Variants in TMC8 observed in about 807,000 individuals in gnomAD.
TMC8 encodes transmembrane channel-like protein 8.
A neutral mutation model predicts 76.0 loss-of-function variants in TMC8; 71 were observed. The ratio of observed to expected loss-of-function variants is 0.93; its 90% CI spans 0.77 to 1.14. The LOEUF is 1.14. Among genes scored for constraint, TMC8 ranks in the 50% most tolerant of loss-of-function variants. The pLI, the probability that TMC8 is intolerant of heterozygous loss-of-function variation, is 0.00. For missense variants in TMC8, 924 were observed against 947.9 expected (o/e 0.97, Z 0.33); for synonymous variants, 433 against 433.8 (o/e 1.00, Z 0.02).
intron 15 of TMC8, among the ~76,000 whole-genome samples, chr17:78,139,759 C>T (rs1012129456): frequency 5.1e-5 from 7 of 137,708 alleles, no homozygotes; most frequent in Non-Finnish European, 9.2e-5. Context: ...AAAAACCGGG[C>T]ACGGTGGTTC....
chr17:78,131,408 A>C lies in TMC8; in HGVS notation c.-181A>C. On this transcript the variant is annotated 5_prime_UTR_variant, in exon 2 of 16. Transcript: ENST00000318430. The stretch of plus-strand genomic sequence containing the variant: ...AGGTGGCAGAGCGGCAGACCCGGGC[A>C]AGTGAACCCTAGGGCTGCAGGAGCC... The C allele has an allele frequency of 1.3e-6, 1 of 796,630 alleles. No homozygotes were observed. The allele number at this position is 796,630 out of a possible 1,614,324, so 49.3% of individuals were successfully genotyped here.
Position 78,131,902 on chromosome 17 carries a change from G to T in TMC8, c.170G>T (p.Gly57Val). The T allele has an allele frequency of 6.8e-7, 1 of 1,475,948 alleles. No homozygotes were observed. Among genetic ancestry groups the T allele is most frequent in the South Asian group, 1.3e-5 (1 of 75,132 alleles). The allele number at this position is 1,475,948 out of a possible 1,614,324, so 91.4% of individuals were successfully genotyped here. Residue 57 changes from glycine (G) to valine (V), a missense_variant, in exon 3 of 16, where the codon GGG (glycine) becomes GTG (valine). Transcript: ENST00000318430. ...TCCAGGCAGCTGCGGGAGCCCGCGG[G>T]GGTGCAGACCTTGCGCTGGCAGCGG... ...RLIWQLREPA[G>V]VQTLRWQRWQ...
rs2075292072 is a variant in TMC8 at position 78,138,429 on chromosome 17, C to T, written c.1614C>T (p.Leu538=). 6.2e-7 allele frequency: 1 copy of T among 1,612,978 alleles called. No homozygotes were observed. The highest frequency in any genetic ancestry group is 1.7e-5 in the Admixed American group (1 of 60,004). ...CCACCTTCTTCTTCCAGCTAGTGCT[C>T]CTCCTGGGCCTGCTTCTGGCTGCAG... ...SSSTFFFQLV[L]LLGLLLAAVP... Residue 538 remains leucine (L), a synonymous_variant, in exon 13 of 16, where the codon CTC becomes CTT. Coordinates refer to ENST00000318430, the MANE Select transcript of TMC8 (RefSeq NM_152468.5).
intron 15 of TMC8, 119 bp downstream of exon 15, chr17:78,139,359 G>A (rs552863990): frequency 2.3e-5 from 26 of 1,124,160 alleles, no homozygotes; most frequent in Middle Eastern, 2.8e-4. Context: ...ACTGGAGGGC[G>A]TGGCCTCAGG....
intron 8 of TMC8, 26 bp from the exon 9 acceptor site, chr17:78,134,844 C>G (rs1053609469): frequency 1.2e-6 from 2 of 1,612,956 alleles, no homozygotes; most frequent in Non-Finnish European, 1.7e-6. Flanking sequence ...AGCACGCGGG[C>G]TCCCCTGACC....
At chr17:78,133,058 A>G (rs994922331) in intron 5 of TMC8, among the ~76,000 whole-genome samples, 188 bp downstream of exon 5, 10 of 152,138 alleles carry the variant, frequency 6.6e-5, no homozygotes, top group South Asian at 2.1e-4. Flanking sequence ...ACTGTGCCCA[A>G]CATAGACTCA....
At chr17:78,137,166 C>A in intron 9 of TMC8, 69 bp from the exon 10 acceptor site, 1 of 1,602,266 alleles carries the variant, frequency 6.2e-7, no homozygotes, top group Non-Finnish European at 8.5e-7. Context: ...TCAGCCACAC[C>A]TATAGCCTGG....
chr17:78,132,684 C>A, intron 4 of TMC8, 104 bp from the exon 5 acceptor site: 1 of 1,523,234 alleles, frequency 6.6e-7, no homozygotes, highest in Non-Finnish European at 9.1e-7. Context: ...ATCCTCAGCC[C>A]CCTGCCCAGG....
At chr17:78,135,772 T>C (rs2075209888) in intron 9 of TMC8, among the ~76,000 whole-genome samples, 1 of 152,190 alleles carries the variant, frequency 6.6e-6, no homozygotes, top group East Asian at 1.9e-4. Flanking sequence ...ACTTTATTTT[T>C]TGAGGCCGGG....
rs749805272 is a variant in TMC8 at position 78,141,268 on chromosome 17, A to G, written c.*156A>G. 27 of 412,934 alleles carry G rather than the reference A, an allele frequency of 6.5e-5. No homozygotes were observed. The highest frequency in any genetic ancestry group is 9.8e-5 in the Non-Finnish European group (23 of 234,444). 25.6% of individuals were successfully genotyped at this position (412,934 alleles called of 1,614,324 possible). A position where few individuals can be genotyped will look rare whatever the true frequency, so the allele number is the denominator to read the frequency against. Reference sequence around the variant, plus strand: ...CACACAACCCCAGCGGCAGCAGGAAAAACATATGGGAATTTTCTTTCTATA... The same window carrying G: ...CACACAACCCCAGCGGCAGCAGGAAGAACATATGGGAATTTTCTTTCTATA... On this transcript the variant is annotated 3_prime_UTR_variant, in exon 16 of 16. Transcript: ENST00000318430.
In TMC8 at chr17:78,131,383, A is replaced by G. The variant is rs1044311095; in HGVS notation, c.-206A>G. ...ATTCTCTCTCATTTCTGAGCCCCGGAGGTGGCAGAGCGGCAGACCCGGGCA... is the reference window on the plus strand; with the variant it reads ...ATTCTCTCTCATTTCTGAGCCCCGGGGGTGGCAGAGCGGCAGACCCGGGCA... On this transcript the variant is annotated 5_prime_UTR_variant, in exon 2 of 16. Coordinates refer to ENST00000318430, the MANE Select transcript of TMC8 (RefSeq NM_152468.5). 1 of 663,966 alleles carries G rather than the reference A, an allele frequency of 1.5e-6. No individual in the cohort carries two copies. The highest frequency in any genetic ancestry group is 2.6e-6 in the Non-Finnish European group (1 of 390,608). 41.1% of individuals were successfully genotyped at this position (663,966 alleles called of 1,614,324 possible).
chr17:78,140,676 TGTGGCCTCGAGCGGGGC>T (rs757752756), intron 15 of TMC8, among the ~76,000 whole-genome samples, 141 bp from the exon 16 acceptor site: 4 of 147,502 alleles, frequency 2.7e-5, no homozygotes, highest in African/African-American at 7.6e-5. Flanking sequence ...CCTGGGAGGG[TGTGGCCTCGAGCGGGGC>T]GTGGCCTCGG....
At chr17:78,132,698 C>A (rs933298382) in intron 4 of TMC8, 90 bp from the exon 5 acceptor site, 1 of 1,540,762 alleles carries the variant, frequency 6.5e-7, no homozygotes, top group Admixed American at 1.7e-5. Context: ...GCCCAGGCCT[C>A]CCCAGGGTTG....
In TMC8 at chr17:78,138,004, G is replaced by A; in HGVS notation, c.1350-1G>A. The A allele has an allele frequency of 6.2e-7, 1 of 1,613,896 alleles. No homozygotes were observed. The highest frequency in any genetic ancestry group is 8.5e-7 in the Non-Finnish European group (1 of 1,180,024). On this transcript the variant is annotated splice_acceptor_variant, in intron 11 of 15. Transcript: ENST00000318430. LOFTEE classifies it high-confidence loss of function. ...GTACCTGGACCCTCCCATCCCTGCA[G>A]GCTGCTGGTGGACCGGTTCTCAGGC...
At chr17:78,134,333 C>T in intron 7 of TMC8, 61 bp from the exon 8 acceptor site, 4 of 1,580,330 alleles carry the variant, frequency 2.5e-6, no homozygotes, top group Non-Finnish European at 3.4e-6. Context: ...GCGTTTCCTG[C>T]ACCCTTTCCT....
rs12452890 is a variant in TMC8, at chr17:78,134,989, G to A, written c.1107G>A (p.Glu369=). The change falls in exon 9 of 16, where the codon GAG becomes GAA. Residue 369 remains glutamate (E), a synonymous_variant. Transcript: ENST00000318430. ...TGGAGAACTACCCTCCCAACACGGA[G>A]GTCAACCTCACTCTGATCTGGTGAG... is the stretch of plus-strand genomic sequence containing the variant. ...VQLENYPPNT[E]VNLTLIWCVV... 836,697 of 1,613,796 alleles carry A rather than the reference G, an allele frequency of 0.52. 220,265 individuals are homozygous for A. Among genetic ancestry groups the A allele is most frequent in the African/African-American group, 0.7 (52,630 of 74,952 alleles).
chr17:78,134,662 T>C (rs2075172827), intron 8 of TMC8, 98 bp downstream of exon 8: 4 of 1,554,264 alleles, frequency 2.6e-6, no homozygotes, highest in East Asian at 4.7e-5. Flanking sequence ...CTCAGAGAGG[T>C]TCAATCGGTC....
At chr17:78,133,017 C>A (rs2075075447) in intron 5 of TMC8, 147 bp downstream of exon 5, 1 of 956,992 alleles carries the variant, frequency 1.0e-6, no homozygotes, top group Non-Finnish European at 1.7e-6. Context: ...ACTGGCCTGG[C>A]CGGTGGTGGG....
rs2075366902 is a variant in TMC8 at position 78,141,166 on chromosome 17, T to C, written c.*54T>C. 1.6e-5 allele frequency: 23 copies of C among 1,452,082 alleles called. No individual in the cohort carries two copies. Among genetic ancestry groups the C allele is most frequent in the Non-Finnish European group, 2.1e-5 (23 of 1,100,846 alleles). 89.9% of individuals were successfully genotyped at this position (1,452,082 alleles called of 1,614,324 possible). A position where few individuals can be genotyped will look rare whatever the true frequency, so the allele number is the denominator to read the frequency against. On this transcript the variant is annotated 3_prime_UTR_variant, in exon 16 of 16. Coordinates refer to ENST00000318430, the MANE Select transcript of TMC8 (RefSeq NM_152468.5). ...CTGGGGCCCCTTCAGGCCTCCTTAC[T>C]CCATCTTCCAGACCCCTGGCGACCA...
Sources: allele counts gnomAD v4.1 joint callset (sites outside exome capture counted in the v4.1 genomes callset), GRCh38; gene constraint gnomAD v4.1.1; transcripts MANE v1.5; gene names NCBI Gene and HGNC (gene_info 2026-07-23, HGNC 2026-07-21).